ULK4: variants seen among roughly 807,000 people sequenced by gnomAD.
ULK4 encodes the protein inactive serine/threonine-protein kinase ULK4.
ULK4 carries 133 observed loss-of-function variants against 160.6 expected under a neutral mutation model. The observed-to-expected ratio is 0.83, with a 90% CI of 0.72 to 0.96. The LOEUF is 0.96. Among genes scored for constraint, ULK4 ranks in the 40% least tolerant of loss-of-function variants. The probability of loss-of-function intolerance (pLI) is 0.00; values close to 1 mark genes in which losing one functional copy is unlikely to be tolerated. For synonymous variants in ULK4, 534 were observed against 539.8 expected, an observed-to-expected ratio of 0.99 and a Z score of 0.15; for missense variants, 1,580 against 1,499.5, an observed-to-expected ratio of 1.05 and a Z score of -0.89.
intron 25 of ULK4, among the ~76,000 whole-genome samples, chr3:41,711,444 A>G (rs1228279263): frequency 6.6e-6 from 1 of 152,202 alleles, no homozygotes. Context: ...CTGGGATACA[A>G]ATTCATGATA....
intron 32 of ULK4, among the ~76,000 whole-genome samples, chr3:41,477,346 T>C (rs2084173790): frequency 6.6e-6 from 1 of 152,232 alleles, no homozygotes; most frequent in African/African-American, 2.4e-5. Flanking sequence ...AATATAAGAA[T>C]ATACTTTGAA....
intron 35 of ULK4, among the ~76,000 whole-genome samples, chr3:41,338,616 C>T (rs975412146): frequency 2.0e-5 from 3 of 152,112 alleles, no homozygotes; most frequent in African/African-American, 7.2e-5. Context: ...GGAAGCTCTC[C>T]AGTCCCTAGT....
chr3:41,450,422 A>G (rs982748412), intron 34 of ULK4, among the ~76,000 whole-genome samples: 1 of 152,218 alleles, frequency 6.6e-6, no homozygotes, highest in Non-Finnish European at 1.5e-5. Flanking sequence ...ACTGTCTTAT[A>G]TAAACATTTC....
At chr3:41,545,045 C>T (rs186537109) in intron 32 of ULK4, among the ~76,000 whole-genome samples, 148 of 152,252 alleles carry the variant, frequency 9.7e-4, no homozygotes, top group African/African-American at 3.4e-3. Context: ...TGGTAATTTA[C>T]GGAATTCTCA....
At chr3:41,825,125 AACAAACAGAAGGGACATCCACACC>A (rs2041298506) in intron 18 of ULK4, among the ~76,000 whole-genome samples, 1 of 152,198 alleles carries the variant, frequency 6.6e-6, no homozygotes, top group Non-Finnish European at 1.5e-5. Context: ...AAGGAAAACT[AACAAACAGAAGGGACATCCACACC>A]AAAACCCCAT....
At chr3:41,876,111 G>C (rs1471076635) in intron 17 of ULK4, among the ~76,000 whole-genome samples, 3 of 152,044 alleles carry the variant, frequency 2.0e-5, no homozygotes, top group African/African-American at 7.2e-5. Flanking sequence ...ATATTCAACA[G>C]GACAAACAGC....
At chr3:41,620,100 C>A (rs1298534770) in intron 30 of ULK4, among the ~76,000 whole-genome samples, 2 of 152,114 alleles carry the variant, frequency 1.3e-5, no homozygotes, top group Non-Finnish European at 2.9e-5. Flanking sequence ...ATAAGAAGAT[C>A]TGAAATTGAG....
At chr3:41,373,959 C>T (rs2081425292) in intron 35 of ULK4, among the ~76,000 whole-genome samples, 3 of 152,134 alleles carry the variant, frequency 2.0e-5, no homozygotes, top group African/African-American at 7.2e-5. Context: ...GGGCATATCA[C>T]CACTAATCCC....
At position 41,249,524 on chromosome 3, in the gene ULK4, G is replaced by A. The variant is rs1230833851; in HGVS notation, c.3729C>T (p.Leu1243=). The A allele has an allele frequency of 2.5e-6, 4 of 1,613,998 alleles. No individual in the cohort carries two copies. In the African/African-American group the frequency reaches 4.0e-5, roughly 16 times the overall value. ...HLESLKNAGS[L]LRALERLAPG... ...GGGCCAGCCGCTCCAGAGCCCGCAGGAGGCTGCCTGCATTCTTGAGGCTCT... is the reference window on the plus strand; with the variant it reads ...GGGCCAGCCGCTCCAGAGCCCGCAGAAGGCTGCCTGCATTCTTGAGGCTCT... Residue 1243 remains leucine (L), a synonymous_variant, in exon 36 of 37, where the codon CTC becomes CTT. Transcript: ENST00000301831.
chr3:41,687,197 A>G (rs2036130998), intron 27 of ULK4, among the ~76,000 whole-genome samples: 1 of 152,150 alleles, frequency 6.6e-6, no homozygotes, highest in South Asian at 2.1e-4. Flanking sequence ...ACATGGTGAA[A>G]CCCCGTATCT....
At chr3:41,261,816 G>A (rs1478296133) in intron 35 of ULK4, among the ~76,000 whole-genome samples, 4 of 152,122 alleles carry the variant, frequency 2.6e-5, no homozygotes, top group African/African-American at 9.7e-5. Flanking sequence ...CCATACTTTT[G>A]GCAACTTCTT....
At chr3:41,454,709 T>C (rs898151763) in intron 34 of ULK4, among the ~76,000 whole-genome samples, 2 of 152,132 alleles carry the variant, frequency 1.3e-5, no homozygotes, top group African/African-American at 2.4e-5. Flanking sequence ...TTTTAATTTT[T>C]TGAGATGGAG....
chr3:41,736,974 G>C (rs2038076492), intron 22 of ULK4, among the ~76,000 whole-genome samples: 2 of 151,842 alleles, frequency 1.3e-5, no homozygotes, highest in African/African-American at 4.9e-5. Context: ...GCTTGTGTTT[G>C]TCAGGTTTGT....
chr3:41,798,836 G>C (rs2040375415), intron 20 of ULK4, among the ~76,000 whole-genome samples: 1 of 152,066 alleles, frequency 6.6e-6, no homozygotes, highest in Admixed American at 6.6e-5. Context: ...TCAGGAAAGG[G>C]CAAAAATAAC....
At chr3:41,886,807 C>T (rs187721912) in intron 16 of ULK4, among the ~76,000 whole-genome samples, 1 of 152,160 alleles carries the variant, frequency 6.6e-6, no homozygotes, top group African/African-American at 2.4e-5. Context: ...AACTCCTGAA[C>T]TCGTGATCCA....
chr3:41,429,772 A>G (rs949221502), intron 34 of ULK4, among the ~76,000 whole-genome samples: 5 of 152,176 alleles, frequency 3.3e-5, no homozygotes, highest in Non-Finnish European at 7.3e-5. Flanking sequence ...GGAGAGCACC[A>G]GGATAAATAG....
In ULK4 at chr3:41,832,643, G is replaced by A. The variant is rs2041629316; in HGVS notation, c.1764+3221C>T. On this transcript the variant is annotated intron_variant, in intron 18 of 36. Transcript: ENST00000301831. ...CCTATGTCCTAAATGGTACTGCCTAGGTTTTCTTCTAGGGTTTTTATGGTT... is the reference window on the plus strand; with the variant it reads ...CCTATGTCCTAAATGGTACTGCCTAAGTTTTCTTCTAGGGTTTTTATGGTT... Among the ~76,000 whole-genome samples the A allele has an allele frequency of 3.9e-5, 6 of 152,224 alleles. No individual in the cohort carries two copies. The South Asian group carries it at 1.2e-3, about 32-fold the overall frequency.
chr3:41,396,413 A>C (rs1419945838), intron 35 of ULK4, among the ~76,000 whole-genome samples: 2 of 152,122 alleles, frequency 1.3e-5, no homozygotes, highest in Non-Finnish European at 2.9e-5. Flanking sequence ...TATCAGACCA[A>C]TATTTTCCAA....
At chr3:41,291,891 C>T (rs908007973) in intron 35 of ULK4, among the ~76,000 whole-genome samples, 42 of 150,260 alleles carry the variant, frequency 2.8e-4, no homozygotes, top group African/African-American at 7.6e-4. Context: ...AGCGCAGTGG[C>T]GCAATCTCGG....
Sources: allele counts gnomAD v4.1 joint callset (sites outside exome capture counted in the v4.1 genomes callset), GRCh38; gene constraint gnomAD v4.1.1; transcripts MANE v1.5; gene names NCBI Gene and HGNC (gene_info 2026-07-23, HGNC 2026-07-21).